CALD1: variants seen among roughly 807,000 people sequenced by gnomAD.
CALD1 encodes caldesmon 1, also known as caldesmon.
A neutral mutation model predicts 99.9 loss-of-function variants in CALD1; 33 were observed. The ratio of observed to expected loss-of-function variants is 0.33; its 90% CI spans 0.25 to 0.44. CALD1 has a LOEUF of 0.44. Among genes scored for constraint, CALD1 ranks in the 20% least tolerant of loss-of-function variants. The pLI, the probability that CALD1 is intolerant of heterozygous loss-of-function variation, is 1.00. For synonymous variants in CALD1, 310 were observed against 325.0 expected (o/e 0.95, Z 0.50); for missense variants, 861 against 962.1 (o/e 0.89, Z 1.39).
intron 3 of CALD1, among the ~76,000 whole-genome samples, chr7:134,902,162 T>C (rs1207133729): frequency 6.6e-6 from 1 of 152,010 alleles, no homozygotes; most frequent in Non-Finnish European, 1.5e-5. Context: ...GCTTTCTAAG[T>C]GAATATTTTC....
chr7:134,815,661 C>G (rs1333409917), intron 1 of CALD1, among the ~76,000 whole-genome samples: 2 of 152,116 alleles, frequency 1.3e-5, no homozygotes, highest in East Asian at 3.9e-4. Flanking sequence ...GGTCCTATAC[C>G]AAAATTTTAC....
At chr7:134,753,017 A>C (rs1254901596) in intron 1 of CALD1, among the ~76,000 whole-genome samples, 3 of 98,868 alleles carry the variant, frequency 3.0e-5, no homozygotes, top group Non-Finnish European at 5.4e-5. Flanking sequence ...ATCGAAAAAA[A>C]AAAAACAAAA....
At chr7:134,943,796 CGT>C (rs893685099) in intron 7 of CALD1, among the ~76,000 whole-genome samples, 1 of 152,046 alleles carries the variant, frequency 6.6e-6, no homozygotes, top group African/African-American at 2.4e-5. Context: ...GTAGTATATA[CGT>C]GTGTGAGTAT....
At chr7:134,935,442 C>G (rs764906589) in intron 5 of CALD1, among the ~76,000 whole-genome samples, 1 of 152,142 alleles carries the variant, frequency 6.6e-6, no homozygotes. Context: ...GGTTTGTAAA[C>G]ACACGAGGAG....
intron 1 of CALD1, among the ~76,000 whole-genome samples, chr7:134,761,472 C>CA (rs11399636): frequency 0.43 from 65,993 of 151,888 alleles, 15,303 homozygotes; most frequent in East Asian, 0.74. Context: ...AACTGGCAGT[C>CA]AGGAGGTTAC....
intron 1 of CALD1, among the ~76,000 whole-genome samples, chr7:134,790,435 C>G (rs969215795): frequency 2.6e-5 from 4 of 152,162 alleles, no homozygotes; most frequent in African/African-American, 9.7e-5. Flanking sequence ...TAACTCCAAC[C>G]CTCTCCAATT....
intron 3 of CALD1, among the ~76,000 whole-genome samples, chr7:134,893,013 A>G (rs530449758): frequency 5.3e-5 from 8 of 152,206 alleles, no homozygotes; most frequent in Non-Finnish European, 1.2e-4. Flanking sequence ...GGGCTTGCCC[A>G]GGGTCACACA....
intron 6 of CALD1, among the ~76,000 whole-genome samples, chr7:134,936,970 T>C (rs1392994117): frequency 1.3e-5 from 2 of 152,190 alleles, no homozygotes; most frequent in Non-Finnish European, 2.9e-5. Flanking sequence ...GGTGACCAAA[T>C]ACCTACAAAT....
intron 1 of CALD1, among the ~76,000 whole-genome samples, chr7:134,828,960 G>C (rs1799114212): frequency 6.6e-6 from 1 of 151,956 alleles, no homozygotes; most frequent in Admixed American, 6.6e-5. Context: ...TCTCATCTTT[G>C]CAAATAGATG....
chr7:134,725,505 A>C, the CALD1 span, among the ~76,000 whole-genome samples: 1 of 152,092 alleles, frequency 6.6e-6, no homozygotes, highest in Non-Finnish European at 1.5e-5. Flanking sequence ...CATTAATATC[A>C]CCCTTAGATT....
chr7:134,835,932 G>A (rs1799417358), intron 1 of CALD1, among the ~76,000 whole-genome samples: 1 of 152,024 alleles, frequency 6.6e-6, no homozygotes, highest in South Asian at 2.1e-4. Flanking sequence ...GATCACCTGA[G>A]TTAGGAGTTC....
intron 1 of CALD1, among the ~76,000 whole-genome samples, chr7:134,787,118 T>A (rs1391092916): frequency 6.6e-6 from 1 of 152,242 alleles, no homozygotes. Context: ...TAGTTTTGAA[T>A]AATTTCTTTC....
Position 134,928,819 on chromosome 7 carries a change from G to A in CALD1, c.137G>A (p.Arg46Gln), listed in dbSNP as rs1805262959. 1 of 1,614,042 alleles carries A rather than the reference G, an allele frequency of 6.2e-7. No homozygotes were observed. Among genetic ancestry groups the A allele is most frequent in the Non-Finnish European group, 8.5e-7 (1 of 1,179,978 alleles). Reference sequence around the variant, plus strand: ...GCCCGGGAACGGCGCCGCCGAGCCCGACAGGAACGGCTGCGGCAGAAGCAG... The same window carrying A: ...GCCCGGGAACGGCGCCGCCGAGCCCAACAGGAACGGCTGCGGCAGAAGCAG... ...EAARERRRRARQERLRQKQEE... is the reference protein window; with the variant it reads ...EAARERRRRAQQERLRQKQEE... Residue 46 changes from arginine to glutamine, a missense_variant, in exon 4 of 15, where the codon CGA (arginine) becomes CAA (glutamine). Arg to Gln is a conservative substitution (Grantham distance 43). This residue lies in a region of CALD1 where 123 missense variants were observed against 169.8 expected (regional missense o/e 0.72). Transcript: ENST00000361675.
At chr7:134,835,849 A>G (rs1258756067) in intron 1 of CALD1, among the ~76,000 whole-genome samples, 1 of 152,158 alleles carries the variant, frequency 6.6e-6, no homozygotes, top group Non-Finnish European at 1.5e-5. Flanking sequence ...AATTCTACAG[A>G]TAAAAGATAA....
chr7:134,764,125 G>A (rs906662358), intron 1 of CALD1, among the ~76,000 whole-genome samples: 1 of 151,944 alleles, frequency 6.6e-6, no homozygotes, highest in Non-Finnish European at 1.5e-5. Flanking sequence ...CTGGGCATGT[G>A]GGAGGACTGT....
intron 11 of CALD1, 113 bp downstream of exon 11, chr7:134,958,403 T>A: frequency 1.3e-6 from 1 of 775,596 alleles, no homozygotes; most frequent in South Asian, 1.8e-5. Flanking sequence ...CCAGGAGTGT[T>A]AGAATTTTTT....
intron 1 of CALD1, among the ~76,000 whole-genome samples, chr7:134,802,888 T>C (rs1456264458): frequency 6.6e-6 from 1 of 152,218 alleles, no homozygotes; most frequent in Non-Finnish European, 1.5e-5. Flanking sequence ...TAAACACAAG[T>C]TTTTATTTCT....
intron 12 of CALD1, 55 bp downstream of exon 12, chr7:134,960,166 C>T (rs768561147): frequency 1.2e-5 from 19 of 1,587,584 alleles, no homozygotes; most frequent in Admixed American, 8.5e-5. Flanking sequence ...TTTTGCATGT[C>T]GATTTTGATT....
intron 8 of CALD1, among the ~76,000 whole-genome samples, chr7:134,949,623 G>C (rs924908140): frequency 6.6e-6 from 1 of 152,148 alleles, no homozygotes; most frequent in Non-Finnish European, 1.5e-5. Context: ...TAGTACCACA[G>C]ATTTAGATAG....
Sources: allele counts gnomAD v4.1 joint callset (sites outside exome capture counted in the v4.1 genomes callset), GRCh38; gene constraint gnomAD v4.1.1; regional missense constraint gnomAD v4.1.1; transcripts MANE v1.5; gene names NCBI Gene and HGNC (gene_info 2026-07-23, HGNC 2026-07-21).